Variants in TNNI3K observed in about 807,000 individuals in gnomAD.
TNNI3K encodes TNNI3 interacting kinase.
Under a neutral mutation model 114.5 loss-of-function variants are expected in TNNI3K, and 140 were observed. That is an observed-to-expected ratio of 1.22 (90% confidence interval 1.07 to 1.41). The LOEUF is 1.41. TNNI3K is among the 40% of genes most tolerant of loss of function. TNNI3K has a pLI of 0.00. For missense variants in TNNI3K, 1,125 were observed against 1,007.6 expected, an observed-to-expected ratio of 1.12 and a Z score of -1.58; for synonymous variants, 347 against 347.5, an observed-to-expected ratio of 1.00 and a Z score of 0.02.
intron 17 of TNNI3K, among the ~76,000 whole-genome samples, chr1:74,402,873 AT>A (rs928354214): frequency 3.3e-5 from 5 of 151,048 alleles, no homozygotes; most frequent in South Asian, 4.2e-4. Context: ...ATGAGTTTTT[AT>A]TTTTTTTTAG....
In TNNI3K at chr1:74,249,656, C is replaced by T. The variant is rs17095015; in HGVS notation, c.235+112C>T. The stretch of plus-strand genomic sequence containing the variant: ...TTCTATTCATACTCAATTTTCCCTT[C>T]TGCTTTGCCTTTTCCAACCTTGATA... On this transcript the variant is annotated intron_variant, in intron 3 of 24. Transcript: ENST00000326637. 3.3e-3 allele frequency: 3,455 copies of T among 1,048,592 alleles called. 85 individuals are homozygous for T. In the African/African-American group the frequency reaches 0.052, roughly 16 times the overall value. The allele number at this position is 1,048,592 out of a possible 1,614,324, so 65.0% of individuals were successfully genotyped here. A position where few individuals can be genotyped will look rare whatever the true frequency, so the allele number is the denominator to read the frequency against.
chr1:74,516,008 G>A (rs899490155), intron 23 of TNNI3K, among the ~76,000 whole-genome samples: 3 of 152,178 alleles, frequency 2.0e-5, no homozygotes, highest in Non-Finnish European at 4.4e-5. Context: ...TAGTACTGAT[G>A]TCTTTAGGAG....
At chr1:74,495,853 C>T (rs975956933) in intron 23 of TNNI3K, among the ~76,000 whole-genome samples, 4 of 152,244 alleles carry the variant, frequency 2.6e-5, no homozygotes, top group South Asian at 2.1e-4. Flanking sequence ...TGAATAACTT[C>T]GACTATTTCT....
At chr1:74,415,742 T>C (rs1665086103) in intron 17 of TNNI3K, among the ~76,000 whole-genome samples, 1 of 148,618 alleles carries the variant, frequency 6.7e-6, no homozygotes, top group Non-Finnish European at 1.5e-5. Flanking sequence ...TCTTTGTTTT[T>C]TTTTTCCCCA....
At chr1:74,450,513 G>GATCT (rs2100695837) in intron 20 of TNNI3K, among the ~76,000 whole-genome samples, 1 of 151,918 alleles carries the variant, frequency 6.6e-6, no homozygotes, top group East Asian at 1.9e-4. Context: ...ATCTGAAAAA[G>GATCT]GTCTAATACC....
chr1:74,431,228 A>G (rs1295310869), intron 17 of TNNI3K, among the ~76,000 whole-genome samples: 1 of 152,134 alleles, frequency 6.6e-6, no homozygotes, highest in Non-Finnish European at 1.5e-5. Context: ...TCACAGGACT[A>G]GTAACAGCAA....
chr1:74,446,999 G>A (rs1203020289), intron 20 of TNNI3K, among the ~76,000 whole-genome samples: 2,270 of 106,162 alleles, frequency 0.021, 107 homozygotes, highest in African/African-American at 0.079. Context: ...TGTTCTTTTG[G>A]CTTAGGATTG....
At chr1:74,268,662 CA>C (rs1656162903) in intron 4 of TNNI3K, among the ~76,000 whole-genome samples, 1 of 151,742 alleles carries the variant, frequency 6.6e-6, no homozygotes, top group South Asian at 2.1e-4. Context: ...TTTATATAAT[CA>C]AGGAAATTAG....
chr1:74,258,774 C>T (rs1472574203), intron 4 of TNNI3K, among the ~76,000 whole-genome samples: 1 of 152,164 alleles, frequency 6.6e-6, no homozygotes, highest in African/African-American at 2.4e-5. Context: ...GTAGTCTCTG[C>T]CTGTTCAACC....
intron 17 of TNNI3K, among the ~76,000 whole-genome samples, chr1:74,411,628 G>A (rs941426547): frequency 5.3e-5 from 8 of 151,928 alleles, no homozygotes; most frequent in Non-Finnish European, 1.0e-4. Context: ...CCTACTATGT[G>A]TCTTACACTG....
At chr1:74,367,842 T>C (rs894294519) in intron 12 of TNNI3K, 66 bp from the exon 13 acceptor site, 1 of 1,435,196 alleles carries the variant, frequency 7.0e-7, no homozygotes, top group Non-Finnish European at 9.4e-7. Context: ...ATTTTTATAA[T>C]GTTGAACTTT....
chr1:74,331,643 A>G (rs1660212146), intron 6 of TNNI3K, 95 bp downstream of exon 6: 1 of 1,122,686 alleles, frequency 8.9e-7, no homozygotes, highest in Admixed American at 3.1e-5. Flanking sequence ...TATTTAAAAT[A>G]TATTTGAATT....
chr1:74,253,618 A>C (rs1005332417), intron 4 of TNNI3K, among the ~76,000 whole-genome samples: 4 of 151,962 alleles, frequency 2.6e-5, no homozygotes, highest in Non-Finnish European at 1.5e-5. Context: ...AGCCGGCAGG[A>C]CTGGCCGGCC....
Position 74,354,058 on chromosome 1 carries a change from T to C in TNNI3K, c.1106T>C (p.Val369Ala). 1 of 1,614,154 alleles carries C rather than the reference T, an allele frequency of 6.2e-7. No individual in the cohort carries two copies. The highest frequency in any genetic ancestry group is 8.5e-7 in the Non-Finnish European group (1 of 1,180,002). The change falls in exon 11 of 25, where the codon GTG becomes GCG. Residue 369 changes from valine (V) to alanine (A), a missense_variant. Val to Ala is a moderately conservative substitution (Grantham distance 64). Transcript: ENST00000326637. Reference protein sequence around the residue: ...LLDNGADMNLVACDPSRSSGE... With the variant: ...LLDNGADMNLAACDPSRSSGE... ...GATAATGGAGCTGATATGAATCTAGTGGCTTGTGATCCCAGCAGGTCTAGT... is the reference window on the plus strand; with the variant it reads ...GATAATGGAGCTGATATGAATCTAGCGGCTTGTGATCCCAGCAGGTCTAGT...
At chr1:74,436,008 T>G in intron 17 of TNNI3K, 72 bp from the exon 18 acceptor site, 4 of 1,549,868 alleles carry the variant, frequency 2.6e-6, no homozygotes, top group Middle Eastern at 2.4e-4. Context: ...TCCTCTTCTT[T>G]GAGGGGCCAA....
chr1:74,374,331 C>T (rs960806485), intron 17 of TNNI3K: 1 of 151,808 alleles, frequency 6.6e-6, no homozygotes, highest in Non-Finnish European at 1.5e-5. Flanking sequence ...ATGAAAGGAG[C>T]TTTGCTAAGT....
intron 5 of TNNI3K, among the ~76,000 whole-genome samples, chr1:74,329,524 T>G (rs1480637362): frequency 6.6e-6 from 1 of 152,112 alleles, no homozygotes. Flanking sequence ...TGATTTTATA[T>G]GACAACTATT....
At position 74,367,868 on chromosome 1, in the gene TNNI3K, G is replaced by A. The variant is rs765815186; in HGVS notation, c.1265-40G>A. The A allele has an allele frequency of 2.0e-6, 3 of 1,531,258 alleles. No homozygotes were observed. The Admixed American group carries it at 6.5e-5, about 33-fold the overall frequency. The allele number at this position is 1,531,258 out of a possible 1,614,324, so 94.9% of individuals were successfully genotyped here. ...GTTGAACTTTTATGTAGAAAAAAAT[G>A]ATCGCTACTTTCAACTCTATTATAT... is the stretch of plus-strand genomic sequence containing the variant. On this transcript the variant is annotated intron_variant, in intron 12 of 24. Coordinates refer to ENST00000326637, the MANE Select transcript of TNNI3K (RefSeq NM_015978.3).
rs530815640 is a variant in TNNI3K at position 74,353,469 on chromosome 1, A to G, written c.1027+109A>G. 2.6e-6 allele frequency: 3 copies of G among 1,175,876 alleles called. No individual in the cohort carries two copies. In the African/African-American group the frequency reaches 4.7e-5, roughly 18 times the overall value. The allele number at this position is 1,175,876 out of a possible 1,614,324, so 72.8% of individuals were successfully genotyped here. ...TGGGAGTGCTCAACTCCAGTGGGAA[A>G]GGGTATTTTATCAACTGCCAGCATT... On this transcript the variant is annotated intron_variant, in intron 10 of 24. Coordinates refer to ENST00000326637, the MANE Select transcript of TNNI3K (RefSeq NM_015978.3).
Sources: allele counts gnomAD v4.1 joint callset (sites outside exome capture counted in the v4.1 genomes callset), GRCh38; gene constraint gnomAD v4.1.1; transcripts MANE v1.5; gene names NCBI Gene and HGNC (gene_info 2026-07-23, HGNC 2026-07-21).